The following SLC8A1 variants were observed in gnomAD, a reference collection of about 807,000 sequenced individuals.
SLC8A1 encodes the protein sodium/calcium exchanger 1.
A neutral mutation model predicts 68.3 loss-of-function variants in SLC8A1; 18 were observed. The observed-to-expected ratio is 0.26, with a 90% CI of 0.18 to 0.39. The LOEUF (loss-of-function observed/expected upper bound fraction) is 0.39. SLC8A1 is among the 10% of genes least tolerant of loss of function. SLC8A1 has a pLI of 1.00. For missense variants in SLC8A1, 985 were observed against 1,156.7 expected (o/e 0.85, Z 2.15); for synonymous variants, 475 against 415.5 (o/e 1.14, Z -1.74).
At chr2:40,404,759 C>T (rs980313571) in intron 2 of SLC8A1, among the ~76,000 whole-genome samples, 1 of 152,096 alleles carries the variant, frequency 6.6e-6, no homozygotes, top group Non-Finnish European at 1.5e-5. Context: ...GCATAATTAA[C>T]CAGAAAGCTA....
chr2:40,474,790 T>C (rs1281067172), intron 1 of SLC8A1, among the ~76,000 whole-genome samples: 2 of 152,226 alleles, frequency 1.3e-5, no homozygotes, highest in Non-Finnish European at 2.9e-5. Flanking sequence ...TGCTCATGGC[T>C]ATAATGTTAG....
At chr2:40,321,582 A>T (rs1345974079) in intron 2 of SLC8A1, among the ~76,000 whole-genome samples, 2 of 152,094 alleles carry the variant, frequency 1.3e-5, no homozygotes, top group East Asian at 3.9e-4. Flanking sequence ...AGGCCTTAGG[A>T]AACTTATAAT....
chr2:40,122,392 C>T (rs943918113), intron 7 of SLC8A1, among the ~76,000 whole-genome samples: 1 of 152,098 alleles, frequency 6.6e-6, no homozygotes, highest in African/African-American at 2.4e-5. Flanking sequence ...AATTTCTGCC[C>T]ATAAAAGTTG....
intron 1 of SLC8A1, among the ~76,000 whole-genome samples, chr2:40,503,180 A>G (rs1300279174): frequency 1.3e-5 from 2 of 152,012 alleles, no homozygotes; most frequent in Non-Finnish European, 2.9e-5. Context: ...CTTTTGTAAT[A>G]ATGAACTATT....
chr2:40,441,843 G>C (rs1286259242), intron 1 of SLC8A1, among the ~76,000 whole-genome samples: 1 of 151,916 alleles, frequency 6.6e-6, no homozygotes, highest in Non-Finnish European at 1.5e-5. Flanking sequence ...ATACCATTCA[G>C]GGCATGGGTA....
rs572452850 is a variant in SLC8A1, at chr2:40,158,777, A to T, written c.2161+1988T>A. Among the ~76,000 whole-genome samples, 23 of 152,276 alleles carry T rather than the reference A, an allele frequency of 1.5e-4. No individual in the cohort carries two copies. The East Asian group carries it at 4.2e-3, about 28-fold the overall frequency. ...GACATGTTGCCTCTCTCAGACTCAGATTCTTCCTTAATTATCGTAAGATAA... is the reference window on the plus strand; with the variant it reads ...GACATGTTGCCTCTCTCAGACTCAGTTTCTTCCTTAATTATCGTAAGATAA... On this transcript the variant is annotated intron_variant, in intron 6 of 7. Coordinates refer to ENST00000406785, the Ensembl canonical transcript of SLC8A1.
At chr2:40,444,820 C>T (rs1701134636) in intron 1 of SLC8A1, among the ~76,000 whole-genome samples, 3 of 152,140 alleles carry the variant, frequency 2.0e-5, no homozygotes, top group Admixed American at 1.3e-4. Context: ...TGCTATAACA[C>T]CAGAGTTGAT....
chr2:40,170,234 G>T, intron 4 of SLC8A1, 47 bp downstream of exon 7: 2 of 1,537,248 alleles, frequency 1.3e-6, no homozygotes, highest in Non-Finnish European at 1.8e-6. Context: ...TAACATTAAA[G>T]AACTCTGGGA....
chr2:40,382,626 T>C (rs1015359207), intron 2 of SLC8A1, among the ~76,000 whole-genome samples: 2 of 151,626 alleles, frequency 1.3e-5, no homozygotes. Context: ...GGGCAAAATA[T>C]GTATGAACTC....
At chr2:40,468,368 T>C (rs1053039881) in intron 1 of SLC8A1, among the ~76,000 whole-genome samples, 12 of 152,282 alleles carry the variant, frequency 7.9e-5, no homozygotes, top group African/African-American at 2.9e-4. Flanking sequence ...CTTTGTCCAT[T>C]TAAACAGTTT....
At chr2:40,434,665 G>C (rs2149803505) in intron 1 of SLC8A1, among the ~76,000 whole-genome samples, 1 of 152,262 alleles carries the variant, frequency 6.6e-6, no homozygotes, top group South Asian at 2.1e-4. Context: ...GTACAACTGT[G>C]AGCAGTACTA....
intron 1 of SLC8A1, among the ~76,000 whole-genome samples, chr2:40,506,141 T>G (rs1183841989): frequency 6.6e-6 from 1 of 151,062 alleles, no homozygotes; most frequent in African/African-American, 2.4e-5. Flanking sequence ...AAGCTTTACT[T>G]CACCAAAGAT....
At chr2:40,184,698 C>A (rs1340331461) in intron 2 of SLC8A1, among the ~76,000 whole-genome samples, 1 of 152,014 alleles carries the variant, frequency 6.6e-6, no homozygotes, top group Non-Finnish European at 1.5e-5. Flanking sequence ...AATGAAGGGC[C>A]ATGTCGGGAA....
chr2:40,160,860 G>T (rs2045551395), exon 6 of SLC8A1: 1 of 1,610,950 alleles, frequency 6.2e-7, no homozygotes, highest in Non-Finnish European at 8.5e-7. Context: ...TTTGTCCACA[G>T]TACTCTAGAA....
chr2:40,197,423 C>A (rs572369993), intron 2 of SLC8A1, among the ~76,000 whole-genome samples: 1 of 152,068 alleles, frequency 6.6e-6, no homozygotes, highest in South Asian at 2.1e-4. Context: ...GGAAAATGTT[C>A]CTTAGGAAGT....
chr2:40,443,879 C>G (rs1700966468), intron 1 of SLC8A1, among the ~76,000 whole-genome samples: 1 of 152,202 alleles, frequency 6.6e-6, no homozygotes. Flanking sequence ...TGCAGGTTTA[C>G]TGTTAGTCAA....
chr2:40,143,699 C>T (rs532977596), intron 6 of SLC8A1, among the ~76,000 whole-genome samples: 7 of 152,220 alleles, frequency 4.6e-5, no homozygotes, highest in Admixed American at 2.6e-4. Flanking sequence ...CGTTCCTGCT[C>T]GGAAACATGA....
At chr2:40,405,382 T>C (rs1157690210) in intron 2 of SLC8A1, among the ~76,000 whole-genome samples, 3 of 152,196 alleles carry the variant, frequency 2.0e-5, no homozygotes, top group Admixed American at 6.5e-5. Flanking sequence ...CTTAAATATA[T>C]AGTGCTCAAG....
intron 2 of SLC8A1, among the ~76,000 whole-genome samples, chr2:40,415,875 C>CACAG (rs1300993220): frequency 6.9e-6 from 1 of 144,192 alleles, no homozygotes; most frequent in Non-Finnish European, 1.5e-5. Context: ...CACACACACA[C>CACAG]ACACACACAC....
Sources: gnomAD v4.1 joint callset for allele counts (sites outside exome capture counted in the v4.1 genomes callset) on GRCh38, gnomAD v4.1.1 for gene constraint, MANE v1.5 for transcripts, NCBI Gene and HGNC (gene_info 2026-07-23, HGNC 2026-07-21) for gene names.